CACNA1H: variants seen among roughly 807,000 people sequenced by gnomAD.
CACNA1H encodes the protein voltage-dependent T-type calcium channel subunit alpha-1H.
Under a neutral mutation model 192.5 loss-of-function variants are expected in CACNA1H, and 149 were observed. The ratio of observed to expected loss-of-function variants is 0.77; its 90% CI spans 0.68 to 0.89. The LOEUF is 0.89. Ranked by LOEUF, CACNA1H falls within the 40% of genes least tolerant of loss-of-function variation. The probability of loss-of-function intolerance (pLI) is 0.00; values close to 1 mark genes in which losing one functional copy is unlikely to be tolerated. For missense variants in CACNA1H, 4,257 were observed against 3,423.5 expected (o/e 1.24, Z -6.08); for synonymous variants, 2,202 against 1,475.2 (o/e 1.49, Z -11.29).
chr16:1,186,756 C>A (rs867861411), intron 2 of CACNA1H, among the ~76,000 whole-genome samples: 49 of 152,182 alleles, frequency 3.2e-4, no homozygotes, highest in African/African-American at 9.4e-4. Context: ...GTGAATGTGC[C>A]ACGGCAGTGG....
intron 21 of CACNA1H, 86 bp from the exon 22 acceptor site, chr16:1,211,082 C>T (rs1382614607): frequency 1.5e-5 from 23 of 1,569,408 alleles, no homozygotes; most frequent in Non-Finnish European, 1.9e-5. Flanking sequence ...CCCACTCGGC[C>T]CCACCTTGGG....
At chr16:1,154,318 G>A (rs1437211315) in intron 2 of CACNA1H, among the ~76,000 whole-genome samples, 1 of 152,192 alleles carries the variant, frequency 6.6e-6, no homozygotes, top group South Asian at 2.1e-4. Flanking sequence ...CGGGCTTGGA[G>A]GGGAGAGGAG....
At position 1,208,034 on chromosome 16, in the gene CACNA1H, C is replaced by T. The variant is rs773510334; in HGVS notation, c.3176C>T (p.Ala1059Val). The T allele has an allele frequency of 1.2e-6, 2 of 1,606,260 alleles. No homozygotes were observed. Among genetic ancestry groups the T allele is most frequent in the Admixed American group, 3.4e-5 (2 of 59,234 alleles). The change falls in exon 16 of 35, where the codon GCC (alanine) becomes GTC (valine). Residue 1059 changes from alanine to valine, a missense_variant. Coordinates refer to ENST00000348261, the MANE Select transcript of CACNA1H (RefSeq NM_021098.3). Reference protein sequence around the residue: ...QTTELKMCSLAVTPNGHLEGR... With the variant: ...QTTELKMCSLVVTPNGHLEGR... The stretch of plus-strand genomic sequence containing the variant: ...GCAGAGCTGAAGATGTGTTCCCTGG[C>T]CGTGACCCCCAACGGGCACCTGGAG...
At position 1,210,358 on chromosome 16, in the gene CACNA1H, C is replaced by T. The variant is rs570513616; in HGVS notation, c.3846-12C>T. On this transcript the variant is annotated splice_polypyrimidine_tract_variant and intron_variant, in intron 18 of 34. Transcript: ENST00000348261. ...GCCCCGCCCCACCTCTCACCCGCCC[C>T]CGCCCACCCAGGTTCCGCGTCTCCT... is the stretch of plus-strand genomic sequence containing the variant. The T allele has an allele frequency of 8.2e-6, 12 of 1,456,208 alleles. No individual in the cohort carries two copies. In the African/African-American group the frequency reaches 1.5e-4, roughly 19 times the overall value. The allele number at this position is 1,456,208 out of a possible 1,614,324, so 90.2% of individuals were successfully genotyped here.
chr16:1,187,862 C>T (rs1966226363), intron 2 of CACNA1H, among the ~76,000 whole-genome samples: 2 of 152,200 alleles, frequency 1.3e-5, no homozygotes, highest in Admixed American at 6.5e-5. Context: ...GCACACAGCC[C>T]CGCCTCCGTC....
At chr16:1,174,571 GC>G (rs1471557712) in intron 2 of CACNA1H, among the ~76,000 whole-genome samples, 1 of 152,084 alleles carries the variant, frequency 6.6e-6, no homozygotes, top group Non-Finnish European at 1.5e-5. Flanking sequence ...GGAAGCCCCT[GC>G]CACGCTCAGG....
At position 1,203,805 on chromosome 16, in the gene CACNA1H, A is replaced by G. The variant is rs1004438212; in HGVS notation, c.2003-205A>G. On this transcript the variant is annotated intron_variant, in intron 9 of 34. Transcript: ENST00000348261. ...GGCTCAGGGCCCTCCCTACTCCGGGATAGCTTCATTCCTCATTGTAACCCA... is the reference window on the plus strand; with the variant it reads ...GGCTCAGGGCCCTCCCTACTCCGGGGTAGCTTCATTCCTCATTGTAACCCA... Among the ~76,000 whole-genome samples, 4 of 152,096 alleles carry G rather than the reference A, an allele frequency of 2.6e-5. 1 individual carries two copies. The highest frequency in any genetic ancestry group is 4.4e-5 in the Non-Finnish European group (3 of 68,000).
At chr16:1,157,371 A>T (rs1339993692) in intron 2 of CACNA1H, among the ~76,000 whole-genome samples, 1 of 152,222 alleles carries the variant, frequency 6.6e-6, no homozygotes, top group South Asian at 2.1e-4. Flanking sequence ...GGGATGCTGA[A>T]GGACAGAGCT....
At chr16:1,212,957 C>T (rs535501689) in intron 26 of CACNA1H, among the ~76,000 whole-genome samples, 191 of 152,360 alleles carry the variant, frequency 1.3e-3, no homozygotes, top group African/African-American at 4.2e-3. Flanking sequence ...AGGCCCTGGG[C>T]CAGCAGTCCC....
At position 1,219,215 on chromosome 16, in the gene CACNA1H, G is replaced by A. The variant is rs560469736; in HGVS notation, c.6048+85G>A. 1.1e-5 allele frequency: 15 copies of A among 1,336,440 alleles called. No individual in the cohort carries two copies. The East Asian group carries it at 3.1e-4, about 27-fold the overall frequency. The allele number at this position is 1,336,440 out of a possible 1,614,324, so 82.8% of individuals were successfully genotyped here. ...CCTCGTCTCATCTGAAGGACCAGCAGACGAGGACAAGGCAGGAGGAGGGTC... is the reference window on the plus strand; with the variant it reads ...CCTCGTCTCATCTGAAGGACCAGCAAACGAGGACAAGGCAGGAGGAGGGTC... On this transcript the variant is annotated intron_variant, in intron 34 of 34. Coordinates refer to ENST00000348261, the MANE Select transcript of CACNA1H (RefSeq NM_021098.3).
chr16:1,165,354 G>C (rs762435170), intron 2 of CACNA1H, among the ~76,000 whole-genome samples: 26 of 152,182 alleles, frequency 1.7e-4, no homozygotes, highest in Non-Finnish European at 3.8e-4. Context: ...TGAGCCTGCT[G>C]GTCCTCCCGG....
At position 1,204,229 on chromosome 16, in the gene CACNA1H, A is replaced by G. The variant is rs767160975; in HGVS notation, c.2222A>G (p.Asp741Gly). ...GACGTCCGGCACGGTGACCGCTGGG[A>G]CCCCACGCGACCACCCCGTGCGACG... ...TQDVRHGDRW[D>G]PTRPPRATDT... The change falls in exon 10 of 35, where the codon GAC (aspartate) becomes GGC (glycine). Residue 741 changes from aspartate to glycine, a missense_variant. Transcript: ENST00000348261. 1.4e-5 allele frequency: 23 copies of G among 1,610,908 alleles called. No homozygotes were observed. The East Asian group carries it at 5.1e-4, about 36-fold the overall frequency.
intron 2 of CACNA1H, among the ~76,000 whole-genome samples, chr16:1,169,554 C>G (rs911692710): frequency 3.3e-5 from 5 of 151,972 alleles, no homozygotes; most frequent in Non-Finnish European, 7.4e-5. Context: ...GCTCCAGCCT[C>G]TCCCACCGAG....
intron 6 of CACNA1H, chr16:1,199,075 C>T (rs1967389884): frequency 8.7e-6 from 2 of 230,584 alleles, no homozygotes; most frequent in Admixed American, 1.2e-4. Context: ...ACATATGCCC[C>T]ACCCCCCACC....
At chr16:1,169,629 G>A (rs1359407276) in intron 2 of CACNA1H, among the ~76,000 whole-genome samples, 2 of 152,244 alleles carry the variant, frequency 1.3e-5, no homozygotes, top group Admixed American at 6.5e-5. Context: ...CCGGGCTCCC[G>A]GTGCTTCCCT....
rs369630836 is a variant in CACNA1H, at chr16:1,198,689, G to A, written c.718G>A (p.Val240Ile). ...GAACGTCCTTCTGCTGTGCTTCTTC[G>A]TCTTCTTCATTTTCGGCATCGTTGG... ...LGNVLLLCFFVFFIFGIVGVQ... is the reference protein window; with the variant it reads ...LGNVLLLCFFIFFIFGIVGVQ... The change falls in exon 6 of 35, where the codon GTC becomes ATC. Residue 240 changes from valine (V) to isoleucine (I), a missense_variant. Val to Ile is a conservative substitution (Grantham distance 29). Transcript: ENST00000348261. 9.9e-5 allele frequency: 159 copies of A among 1,613,502 alleles called. No homozygotes were observed. Among genetic ancestry groups the A allele is most frequent in the East Asian group, 3.3e-4 (15 of 44,880 alleles).
At chr16:1,198,879 G>A in intron 6 of CACNA1H, 105 bp downstream of exon 6, 2 of 1,083,080 alleles carry the variant, frequency 1.8e-6, no homozygotes, top group Non-Finnish European at 2.6e-6. Context: ...TGCCCACCGT[G>A]CAGTCACCCG....
In CACNA1H at chr16:1,204,382, G is replaced by C; in HGVS notation, c.2375G>C (p.Ser792Thr). The change falls in exon 10 of 35, where the codon AGC becomes ACC. Residue 792 changes from serine to threonine, a missense_variant. Transcript: ENST00000348261. ...GGCAAGCTGCGCCGCATCGTGGACA[G>C]CAAGTACTTCAGCCGTGGCATCATG... ...FSGKLRRIVD[S>T]KYFSRGIMMA... The C allele has an allele frequency of 4.5e-6, 7 of 1,564,056 alleles. No homozygotes were observed. Among genetic ancestry groups the C allele is most frequent in the Non-Finnish European group, 6.1e-6 (7 of 1,156,368 alleles).
chr16:1,192,814 C>T (rs1477310397), intron 2 of CACNA1H, among the ~76,000 whole-genome samples: 1 of 152,096 alleles, frequency 6.6e-6, no homozygotes, highest in African/African-American at 2.4e-5. Context: ...GGTCTCAGCC[C>T]TCAGTCCTGG....
Sources: allele counts gnomAD v4.1 joint callset (sites outside exome capture counted in the v4.1 genomes callset), GRCh38; gene constraint gnomAD v4.1.1; transcripts MANE v1.5; gene names NCBI Gene and HGNC (gene_info 2026-07-23, HGNC 2026-07-21).